The following SNW1 variants were observed in gnomAD, a reference collection of about 807,000 sequenced individuals.
The protein encoded by SNW1 is SNW domain containing 1, also known as SNW domain-containing protein 1.
In SNW1, 9 loss-of-function variants were observed where a neutral mutation model predicts 75.6. The ratio of observed to expected loss-of-function variants is 0.12; its 90% CI spans 0.07 to 0.21. The LOEUF (loss-of-function observed/expected upper bound fraction) is 0.21, where lower values mean the gene tolerates loss of function less well. Ranked by LOEUF, SNW1 falls within the 10% of genes least tolerant of loss-of-function variation. The probability of loss-of-function intolerance (pLI) is 1.00; values close to 1 mark genes in which losing one functional copy is unlikely to be tolerated. For missense variants in SNW1, 409 were observed against 670.9 expected, an observed-to-expected ratio of 0.61 and a Z score of 4.31; for synonymous variants, 200 against 219.1, an observed-to-expected ratio of 0.91 and a Z score of 0.77.
chr14:77,735,583 G>A (rs1381540799), intron 7 of SNW1, among the ~76,000 whole-genome samples: 3 of 151,908 alleles, frequency 2.0e-5, no homozygotes, highest in East Asian at 1.9e-4. Context: ...ACGCCCGGCC[G>A]ATGTGACTTC....
intron 12 of SNW1, among the ~76,000 whole-genome samples, chr14:77,719,316 T>A (rs1313623670): frequency 6.6e-6 from 1 of 152,170 alleles, no homozygotes; most frequent in Non-Finnish European, 1.5e-5. Flanking sequence ...GCTCAGCTGG[T>A]AAGTTGCCAT....
chr14:77,739,749 C>T (rs2080702088), intron 3 of SNW1, among the ~76,000 whole-genome samples: 1 of 152,108 alleles, frequency 6.6e-6, no homozygotes, highest in South Asian at 2.1e-4. Context: ...GTGGTAGGCT[C>T]TTAACAAATA....
At position 77,755,113 on chromosome 14, in the gene SNW1, G is replaced by C. The variant is rs1230093008; in HGVS notation, c.22C>G (p.Pro8Ala). MALTSFL[P>A]APTQLSQDQL... is the part of the protein sequence containing the mutation. ...TCCTGAGATAGCTGAGTAGGTGCAG[G>C]TAAAAAGCTATAAGCAAAGATAATA... The change falls in exon 2 of 14, where the codon CCT becomes GCT. Residue 8 changes from proline to alanine, a missense_variant. Transcript: ENST00000261531. The C allele has an allele frequency of 6.2e-7, 1 of 1,611,690 alleles. No individual in the cohort carries two copies.
chr14:77,738,911 G>A lies in SNW1; in HGVS notation c.427-27C>T, dbSNP rs759630225. On this transcript the variant is annotated intron_variant, in intron 4 of 13. Coordinates refer to ENST00000261531, the MANE Select transcript of SNW1 (RefSeq NM_012245.3). ...TGAAATAGGAAATATCACATTGAGA[G>A]TTTGGAAGTTAATCAGGATGTAAAT... 1.9e-6 allele frequency: 3 copies of A among 1,609,306 alleles called. No homozygotes were observed. The South Asian group carries it at 3.3e-5, about 18-fold the overall frequency.
chr14:77,726,628 C>T (rs1439594942), intron 10 of SNW1, among the ~76,000 whole-genome samples: 6 of 152,242 alleles, frequency 3.9e-5, no homozygotes, highest in Non-Finnish European at 5.9e-5. Flanking sequence ...GCCTGGCCAA[C>T]GTGGTGAAAC....
At chr14:77,747,850 C>T (rs1379638929) in intron 3 of SNW1, among the ~76,000 whole-genome samples, 7 of 151,426 alleles carry the variant, frequency 4.6e-5, no homozygotes, top group Admixed American at 2.6e-4. Context: ...CGCCTCTGCC[C>T]GGCCGCCCCG....
chr14:77,738,303 A>G (rs1039863505), intron 5 of SNW1, among the ~76,000 whole-genome samples: 1 of 151,912 alleles, frequency 6.6e-6, no homozygotes, highest in African/African-American at 2.4e-5. Context: ...TCTGTCCCCC[A>G]CCCCAAAAAA....
intron 8 of SNW1, 115 bp downstream of exon 8, chr14:77,734,832 A>G (rs2139907748): frequency 1.4e-6 from 1 of 699,548 alleles, no homozygotes; most frequent in South Asian, 1.9e-5. Context: ...TTCCTTTTTG[A>G]AAATGCTCAG....
chr14:77,760,443 C>G (rs2080878519), intron 1 of SNW1, among the ~76,000 whole-genome samples: 1 of 152,156 alleles, frequency 6.6e-6, no homozygotes, highest in Non-Finnish European at 1.5e-5. Context: ...TCGGACTCTC[C>G]CACTGAAAAG....
At position 77,732,554 on chromosome 14, in the gene SNW1, T is replaced by C; in HGVS notation, c.822A>G (p.Gly274=). The change falls in exon 9 of 14, where the codon GGA becomes GGG. Residue 274 remains glycine (G), a synonymous_variant. Transcript: ENST00000261531. The stretch of plus-strand genomic sequence containing the variant: ...TTTCATTTATGTGTACTGTCTGTAG[T>C]CCTCTTCCATCAGCAGCCAGACGTT... ...LDKRLAADGR[G]LQTVHINENF... 1.2e-6 allele frequency: 2 copies of C among 1,613,378 alleles called. No individual in the cohort carries two copies. Among genetic ancestry groups the C allele is most frequent in the East Asian group, 2.2e-5 (1 of 44,886 alleles).
chr14:77,732,331 AGCT>A (rs1334070380), intron 9 of SNW1, among the ~76,000 whole-genome samples, 151 bp downstream of exon 9: 1 of 152,216 alleles, frequency 6.6e-6, no homozygotes, highest in African/African-American at 2.4e-5. Context: ...GCATGCAGAG[AGCT>A]GCCAACTAGC....
chr14:77,740,192 C>T (rs2080707420), intron 3 of SNW1, among the ~76,000 whole-genome samples: 1 of 140,586 alleles, frequency 7.1e-6, no homozygotes, highest in Non-Finnish European at 1.5e-5. Flanking sequence ...AAATAATAGG[C>T]ATTCTACCTT....
At chr14:77,724,626 G>A (rs1307572223) in intron 10 of SNW1, among the ~76,000 whole-genome samples, 1 of 152,086 alleles carries the variant, frequency 6.6e-6, no homozygotes, top group Non-Finnish European at 1.5e-5. Flanking sequence ...TTTCTGTGCC[G>A]GGCTTATTCA....
At chr14:77,757,921 TCTATCTATC>T (rs1228859032) in intron 1 of SNW1, among the ~76,000 whole-genome samples, 1 of 40,220 alleles carries the variant, frequency 2.5e-5, no homozygotes, top group African/African-American at 1.0e-4. Flanking sequence ...AATCTAATCA[TCTATCTATC>T]TATCTATCTA....
chr14:77,726,599 C>A (rs1194402492), intron 10 of SNW1, among the ~76,000 whole-genome samples: 1 of 152,128 alleles, frequency 6.6e-6, no homozygotes, highest in Non-Finnish European at 1.5e-5. Context: ...GCAGGCAGAT[C>A]ACCTGAGGTC....
intron 3 of SNW1, among the ~76,000 whole-genome samples, chr14:77,749,551 G>A (rs2080791000): frequency 6.6e-6 from 1 of 152,042 alleles, no homozygotes; most frequent in East Asian, 1.9e-4. Flanking sequence ...CAGATCACGA[G>A]GTCAGGAGAT....
Position 77,717,762 on chromosome 14 carries a change from C to T in SNW1, c.*326G>A. 1 of 609,290 alleles carries T rather than the reference C, an allele frequency of 1.6e-6. No individual in the cohort carries two copies. Among genetic ancestry groups the T allele is most frequent in the Non-Finnish European group, 2.9e-6 (1 of 346,620 alleles). The allele number at this position is 609,290 out of a possible 1,614,324, so 37.7% of individuals were successfully genotyped here. A position where few individuals can be genotyped will look rare whatever the true frequency, so the allele number is the denominator to read the frequency against. On this transcript the variant is annotated 3_prime_UTR_variant, in exon 14 of 14. Transcript: ENST00000261531. ...TCACTGTGGTTGGGGTAACTTTACTCATATGCAGCTGTTCTTACACAAAAC... is the reference window on the plus strand; with the variant it reads ...TCACTGTGGTTGGGGTAACTTTACTTATATGCAGCTGTTCTTACACAAAAC...
At chr14:77,735,709 A>C (rs187606028) in intron 7 of SNW1, among the ~76,000 whole-genome samples, 1 of 152,364 alleles carries the variant, frequency 6.6e-6, no homozygotes, top group African/African-American at 2.4e-5. Flanking sequence ...CTGAAACAGC[A>C]GACCCTGTCC....
rs1395988756 is a variant in SNW1, at chr14:77,731,052, T to C, written c.969A>G (p.Lys323=). The stretch of plus-strand genomic sequence containing the variant: ...TGGCTTTCTGGGCCATTTCTCTAAG[T>C]TTCTCTTCATGTTTTTCCTTTTCTT... ...AQKEKEKHEE[K]LREMAQKARE... Residue 323 remains lysine, a synonymous_variant, in exon 10 of 14, where the codon AAA becomes AAG. Transcript: ENST00000261531. 1 of 1,613,972 alleles carries C rather than the reference T, an allele frequency of 6.2e-7. No individual in the cohort carries two copies. Among genetic ancestry groups the C allele is most frequent in the East Asian group, 2.2e-5 (1 of 44,888 alleles).
Sources: gnomAD v4.1 joint callset for allele counts (sites outside exome capture counted in the v4.1 genomes callset) on GRCh38, gnomAD v4.1.1 for gene constraint, MANE v1.5 for transcripts, NCBI Gene and HGNC (gene_info 2026-07-23, HGNC 2026-07-21) for gene names.